Variants in FRMD5 observed in about 807,000 individuals in gnomAD.
FRMD5 encodes FERM domain-containing protein 5.
FRMD5 carries 20 observed loss-of-function variants against 69.0 expected under a neutral mutation model. The ratio of observed to expected loss-of-function variants is 0.29; its 90% CI spans 0.20 to 0.42. The LOEUF (loss-of-function observed/expected upper bound fraction) is 0.42, where lower values mean the gene tolerates loss of function less well. Among genes scored for constraint, FRMD5 ranks in the 10% least tolerant of loss-of-function variants. The pLI, the probability that FRMD5 is intolerant of heterozygous loss-of-function variation, is 1.00. For synonymous variants in FRMD5, 271 were observed against 260.1 expected (o/e 1.04, Z -0.40); for missense variants, 595 against 708.6 (o/e 0.84, Z 1.82).
At chr15:43,884,526 T>C (rs1170657098) in intron 12 of FRMD5, among the ~76,000 whole-genome samples, 1 of 152,194 alleles carries the variant, frequency 6.6e-6, no homozygotes, top group Non-Finnish European at 1.5e-5. Context: ...CTATCTGCAG[T>C]AGCCCTTCCT....
chr15:44,048,101 C>T (rs544889973), intron 1 of FRMD5, among the ~76,000 whole-genome samples: 6 of 152,226 alleles, frequency 3.9e-5, no homozygotes, highest in African/African-American at 1.4e-4. Context: ...CACATGGTAA[C>T]TCTATAAACA....
rs747747488 is a variant in FRMD5 at position 44,117,991 on chromosome 15, C to CTTT, written c.102+76959_102+76961dup. ...CTGGATTCCATTTCTTTCTTTTTTACTTTTTTTTTTTTTTTTTTTTTTTTG... is the reference window on the plus strand; with the variant it reads ...CTGGATTCCATTTCTTTCTTTTTTACTTTTTTTTTTTTTTTTTTTTTTTTTTTG... On this transcript the variant is annotated intron_variant, in intron 1 of 13. Transcript: ENST00000417257. Among the ~76,000 whole-genome samples, 587 of 92,596 alleles carry CTTT rather than the reference C, an allele frequency of 6.3e-3. 22 individuals carry two copies. The highest frequency in any genetic ancestry group is 0.025 in the African/African-American group (544 of 21,606). The allele number at this position is 92,596 out of a possible 152,430, so 60.7% of individuals were successfully genotyped here.
At chr15:44,016,565 T>C (rs773521259) in intron 1 of FRMD5, among the ~76,000 whole-genome samples, 2 of 151,888 alleles carry the variant, frequency 1.3e-5, no homozygotes, top group South Asian at 4.2e-4. Context: ...CTACTAAAAA[T>C]ACAAAAAATT....
At position 44,088,354 on chromosome 15, in the gene FRMD5, T is replaced by A. The variant is rs75447732; in HGVS notation, c.102+106599A>T. 3.2e-3 allele frequency among the ~76,000 whole-genome samples: 490 copies of A among 152,290 alleles called. 1 individual carries two copies. Among genetic ancestry groups the A allele is most frequent in the African/African-American group, 0.011 (467 of 41,570 alleles). ...TCTAAGCAACCCCTAATCTACTTTG[T>A]GTCTCTATAGATTTGCCTATTCTGA... On this transcript the variant is annotated intron_variant, in intron 1 of 13. Coordinates refer to ENST00000417257, the MANE Select transcript of FRMD5 (RefSeq NM_032892.5).
chr15:44,153,418 CATAA>C (rs1346644071), intron 1 of FRMD5, among the ~76,000 whole-genome samples: 1 of 152,138 alleles, frequency 6.6e-6, no homozygotes, highest in Non-Finnish European at 1.5e-5. Context: ...TAGGCTTTAA[CATAA>C]ATAAACCTTG....
rs200099737 is a variant in FRMD5, at chr15:43,924,265, A to G, written c.147T>C (p.His49=). Residue 49 remains histidine (H), a synonymous_variant, in exon 2 of 14, where the codon CAT becomes CAC. Transcript: ENST00000417257. ...GQYLFDLLCH[H]LNLLEKDYFG... ...AATAGTCTTTCTCAAGTAGGTTCAG[A>G]TGGTGGCAAAGAAGGTCAAACAGGT... 1.1e-4 allele frequency: 180 copies of G among 1,614,100 alleles called. No individual in the cohort carries two copies. Among genetic ancestry groups the G allele is most frequent in the Non-Finnish European group, 1.4e-4 (164 of 1,179,984 alleles).
In FRMD5 at chr15:43,874,185, C is replaced by G; in HGVS notation, c.1413G>C (p.Glu471Asp). ...ESEASTPTATEVEALGGELRA... is the reference protein window; with the variant it reads ...ESEASTPTATDVEALGGELRA... ...TCAGCTCTCCCCCAAGGGCCTCCAC[C>G]TCTGTAGCAGTTGGGGTGCTGGCTT... Residue 471 changes from glutamate to aspartate, a missense_variant, in exon 14 of 14, where the codon GAG (glutamate) becomes GAC (aspartate). Coordinates refer to ENST00000417257, the MANE Select transcript of FRMD5 (RefSeq NM_032892.5). The G allele has an allele frequency of 6.2e-7, 1 of 1,614,254 alleles. No homozygotes were observed. The highest frequency in any genetic ancestry group is 8.5e-7 in the Non-Finnish European group (1 of 1,180,054).
At chr15:44,058,327 G>A (rs1892951983) in intron 1 of FRMD5, among the ~76,000 whole-genome samples, 1 of 152,134 alleles carries the variant, frequency 6.6e-6, no homozygotes, top group Non-Finnish European at 1.5e-5. Flanking sequence ...TAGATTTGTG[G>A]TTTGCCTCAG....
At chr15:43,878,447 T>C (rs2088426075) in intron 13 of FRMD5, among the ~76,000 whole-genome samples, 1 of 152,198 alleles carries the variant, frequency 6.6e-6, no homozygotes, top group Non-Finnish European at 1.5e-5. Flanking sequence ...GAAACTGTTT[T>C]GAAATAACCT....
chr15:43,901,844 C>T lies in FRMD5; in HGVS notation c.639+331G>A, dbSNP rs2089052908. ...TACAGGTCAGGAAAGGGTGGGCAGG[C>T]ACTGAGCCGCCTCTGATCGTTCTCT... On this transcript the variant is annotated intron_variant, in intron 7 of 13. Coordinates refer to ENST00000417257, the MANE Select transcript of FRMD5 (RefSeq NM_032892.5). 1.0e-5 allele frequency: 3 copies of T among 290,064 alleles called. No individual in the cohort carries two copies. In the Admixed American group the frequency reaches 1.5e-4, roughly 14 times the overall value. The allele number at this position is 290,064 out of a possible 1,614,324, so 18.0% of individuals were successfully genotyped here.
intron 1 of FRMD5, among the ~76,000 whole-genome samples, chr15:43,985,416 T>C (rs560662715): frequency 1.3e-5 from 2 of 151,898 alleles, no homozygotes; most frequent in African/African-American, 2.4e-5. Flanking sequence ...ATAAAATGAG[T>C]AGGTTTGACA....
In FRMD5 at chr15:43,874,025, A is replaced by G; in HGVS notation, c.1573T>C (p.Ser525Pro). 1 of 1,614,180 alleles carries G rather than the reference A, an allele frequency of 6.2e-7. No individual in the cohort carries two copies. Among genetic ancestry groups the G allele is most frequent in the Non-Finnish European group, 8.5e-7 (1 of 1,180,030 alleles). Residue 525 changes from serine (S) to proline (P), a missense_variant, in exon 14 of 14, where the codon TCT becomes CCT. By Grantham distance (74) the Ser-to-Pro change is moderately conservative (BLOSUM62 -1). Around this residue, in one of 5 missense-constraint regions of FRMD5, gnomAD observed 245 missense variants for 227.1 expected, o/e 1.08. Coordinates refer to ENST00000417257, the MANE Select transcript of FRMD5 (RefSeq NM_032892.5). The part of the protein sequence containing the change: ...LLLLLIILTE[S>P]DLDIAFFRDI... The stretch of plus-strand genomic sequence containing the variant: ...CGGAAAAAGGCAATGTCAAGGTCAG[A>G]CTCGGTAAGGATGATCAGGAGGAGG...
intron 1 of FRMD5, among the ~76,000 whole-genome samples, chr15:44,088,899 A>C (rs1303037068): frequency 6.6e-6 from 1 of 152,204 alleles, no homozygotes; most frequent in African/African-American, 2.4e-5. Context: ...TAAGACCCTA[A>C]GCCCCTAAAC....
intron 1 of FRMD5, among the ~76,000 whole-genome samples, chr15:43,964,272 C>G (rs547474904): frequency 6.6e-6 from 1 of 151,780 alleles, no homozygotes; most frequent in East Asian, 1.9e-4. Flanking sequence ...TTCAGTGATG[C>G]CTTTTTCCGT....
chr15:44,052,516 C>T (rs1205982824), intron 1 of FRMD5, among the ~76,000 whole-genome samples: 1 of 152,148 alleles, frequency 6.6e-6, no homozygotes, highest in Non-Finnish European at 1.5e-5. Context: ...GGTACTATTG[C>T]TTCCACAGCC....
intron 1 of FRMD5, among the ~76,000 whole-genome samples, chr15:44,173,652 A>C (rs1184516393): frequency 6.6e-6 from 1 of 152,094 alleles, no homozygotes; most frequent in African/African-American, 2.4e-5. Context: ...CTGGGACTAC[A>C]TGCATGTGCC....
intron 1 of FRMD5, among the ~76,000 whole-genome samples, chr15:44,059,775 A>C (rs1318893172): frequency 1.3e-5 from 2 of 152,074 alleles, no homozygotes. Context: ...TCAGCCTCCC[A>C]AAGTGCTGGG....
intron 1 of FRMD5, among the ~76,000 whole-genome samples, chr15:44,028,014 G>A (rs1339949465): frequency 6.6e-6 from 1 of 152,134 alleles, no homozygotes; most frequent in Non-Finnish European, 1.5e-5. Context: ...ACTGGCCAAA[G>A]AAAGTCACAC....
chr15:43,960,268 T>C (rs1209098305), intron 1 of FRMD5, among the ~76,000 whole-genome samples: 1 of 151,344 alleles, frequency 6.6e-6, no homozygotes, highest in Non-Finnish European at 1.5e-5. Flanking sequence ...TATTTTTTGT[T>C]TATTTAAGTC....
Sources: allele counts gnomAD v4.1 joint callset (sites outside exome capture counted in the v4.1 genomes callset), GRCh38; gene constraint gnomAD v4.1.1; regional missense constraint gnomAD v4.1.1; transcripts MANE v1.5; gene names NCBI Gene and HGNC (gene_info 2026-07-23, HGNC 2026-07-21).